Variants in KIAA0513 observed in about 807,000 individuals in gnomAD.
KIAA0513 encodes uncharacterized protein KIAA0513.
Under a neutral mutation model 56.5 loss-of-function variants are expected in KIAA0513, and 39 were observed. That is an observed-to-expected ratio of 0.69 (90% CI 0.53 to 0.90). The LOEUF is 0.90. Among genes scored for constraint, KIAA0513 ranks in the 40% least tolerant of loss-of-function variants. The pLI is 0.00. For synonymous variants in KIAA0513, 268 were observed against 215.6 expected, an observed-to-expected ratio of 1.24 and a Z score of -2.13; for missense variants, 591 against 535.2, an observed-to-expected ratio of 1.10 and a Z score of -1.03.
At chr16:85,035,128 C>A (rs767287832) in intron 1 of KIAA0513, among the ~76,000 whole-genome samples, 1 of 152,306 alleles carries the variant, frequency 6.6e-6, no homozygotes, top group Non-Finnish European at 1.5e-5. Flanking sequence ...GACATCTTCC[C>A]GGAGCCCCCA....
At chr16:85,068,984 C>T (rs951275281) in intron 2 of KIAA0513, among the ~76,000 whole-genome samples, 1 of 152,058 alleles carries the variant, frequency 6.6e-6, no homozygotes, top group African/African-American at 2.4e-5. Context: ...ATAGGGCCAA[C>T]GTAAGATAAT....
chr16:85,078,332 C>T (rs1035045125), intron 6 of KIAA0513, 83 bp from the exon 7 acceptor site: 24 of 1,489,000 alleles, frequency 1.6e-5, no homozygotes, highest in Non-Finnish European at 2.1e-5. Context: ...CCAGTCCCAC[C>T]TTAGAAGTGT....
chr16:85,039,983 T>C (rs1262060721), intron 1 of KIAA0513, among the ~76,000 whole-genome samples: 1 of 151,400 alleles, frequency 6.6e-6, no homozygotes, highest in Non-Finnish European at 1.5e-5. Context: ...TACAGGCATG[T>C]GCCACCGCGC....
At chr16:85,044,387 C>T (rs918591008) in intron 1 of KIAA0513, among the ~76,000 whole-genome samples, 1 of 152,180 alleles carries the variant, frequency 6.6e-6, no homozygotes, top group African/African-American at 2.4e-5. Context: ...CTCGTAGTAT[C>T]CCAGAGGGGG....
chr16:85,038,537 T>C lies in KIAA0513; in HGVS notation c.-173+10679T>C, dbSNP rs150393561. ...GTCTGACCAACACAGTGAAACTCCA[T>C]GTCTACTAAAAAGACAAAAAGATAG... On this transcript the variant is annotated intron_variant, in intron 1 of 12. Coordinates refer to ENST00000683363, the MANE Select transcript of KIAA0513 (RefSeq NM_001388359.1). Among the ~76,000 whole-genome samples the C allele has an allele frequency of 2.5e-3, 378 of 152,080 alleles. 3 individuals are homozygous for C. The highest frequency in any genetic ancestry group is 8.7e-3 in the African/African-American group (362 of 41,450).
At chr16:85,038,559 A>T (rs2073064344) in intron 1 of KIAA0513, among the ~76,000 whole-genome samples, 1 of 151,818 alleles carries the variant, frequency 6.6e-6, no homozygotes, top group Admixed American at 6.6e-5. Context: ...AGACAAAAAG[A>T]TAGCTGGGCG....
intron 1 of KIAA0513, among the ~76,000 whole-genome samples, chr16:85,029,152 C>A (rs1402513425): frequency 1.3e-5 from 2 of 152,128 alleles, no homozygotes; most frequent in East Asian, 3.8e-4. Context: ...GGACTGCTTA[C>A]GCCTTTGAAA....
Position 85,076,018 on chromosome 16 carries a change from C to A in KIAA0513, c.574+104C>A. The A allele has an allele frequency of 2.4e-6, 2 of 833,168 alleles. No homozygotes were observed. The highest frequency in any genetic ancestry group is 4.1e-6 in the Non-Finnish European group (2 of 487,996). 51.6% of individuals were successfully genotyped at this position (833,168 alleles called of 1,614,324 possible). A position where few individuals can be genotyped will look rare whatever the true frequency, so the allele number is the denominator to read the frequency against. On this transcript the variant is annotated intron_variant, in intron 5 of 12. Transcript: ENST00000683363. The surrounding 1 kb of genome is among the most constrained non-coding windows in gnomAD (Gnocchi z 4.7). ...ATGATAAAAAGCAAAAGCTATGGGGCCTCCAGAGAACAGAGGAAGCTGATG... is the reference window on the plus strand; with the variant it reads ...ATGATAAAAAGCAAAAGCTATGGGGACTCCAGAGAACAGAGGAAGCTGATG...
At chr16:85,077,024 G>GC (rs374674561) in intron 5 of KIAA0513, among the ~76,000 whole-genome samples, 51 of 150,848 alleles carry the variant, frequency 3.4e-4, no homozygotes, top group South Asian at 1.1e-3. Flanking sequence ...CCTCCTCCAG[G>GC]CCCCCCCCCA....
At chr16:85,050,687 G>A (rs78274149) in intron 1 of KIAA0513, among the ~76,000 whole-genome samples, 10,025 of 152,232 alleles carry the variant, frequency 0.066, 365 homozygotes, top group Middle Eastern at 0.099. Context: ...CTCACCCCTT[G>A]TTTTCCGCAG....
At chr16:85,067,736 G>A (rs2073509179) in intron 2 of KIAA0513, among the ~76,000 whole-genome samples, 1 of 152,158 alleles carries the variant, frequency 6.6e-6, no homozygotes, top group Non-Finnish European at 1.5e-5. Flanking sequence ...ACGCTCCGGA[G>A]TGCCCAGCTC....
intron 1 of KIAA0513, among the ~76,000 whole-genome samples, chr16:85,050,739 G>C (rs975079820): frequency 2.0e-5 from 3 of 152,214 alleles, no homozygotes; most frequent in Non-Finnish European, 4.4e-5. Flanking sequence ...GTGCATTGTT[G>C]CTGAGTCAAG....
At chr16:85,077,260 A>G (rs1338875693) in intron 5 of KIAA0513, 165 bp from the exon 6 acceptor site, 4 of 196,876 alleles carry the variant, frequency 2.0e-5, no homozygotes, top group Non-Finnish European at 3.7e-5. Context: ...CCACTTCCTC[A>G]TCCTGGGCCG....
rs2073869183 is a variant in KIAA0513, at chr16:85,091,681, TC to T, written c.*3359del. The T allele has an allele frequency of 6.6e-6, 1 of 152,126 alleles. No homozygotes were observed. Among genetic ancestry groups the T allele is most frequent in the South Asian group, 2.1e-4 (1 of 4,824 alleles). The allele number at this position is 152,126 out of a possible 1,614,324, so 9.4% of individuals were successfully genotyped here. ...ACCAAACAGGCCTCTCGCTCACTCC[TC>T]CCAGCCCAGTAATGCTGAGGAGTTC... On this transcript the variant is annotated 3_prime_UTR_variant, in exon 13 of 13. Coordinates refer to ENST00000683363, the MANE Select transcript of KIAA0513 (RefSeq NM_001388359.1).
chr16:85,034,409 G>T (rs2073007613), intron 1 of KIAA0513, among the ~76,000 whole-genome samples: 1 of 152,144 alleles, frequency 6.6e-6, no homozygotes, highest in South Asian at 2.1e-4. Flanking sequence ...CAAAAAAGCT[G>T]ATGACTGTAC....
At chr16:85,068,017 G>A (rs2073514554) in intron 2 of KIAA0513, among the ~76,000 whole-genome samples, 3 of 151,894 alleles carry the variant, frequency 2.0e-5, no homozygotes, top group South Asian at 4.2e-4. Flanking sequence ...CACCATGTTG[G>A]TCAAGCTGGT....
At chr16:85,039,758 C>A (rs369724332) in intron 1 of KIAA0513, among the ~76,000 whole-genome samples, 6 of 151,978 alleles carry the variant, frequency 3.9e-5, no homozygotes, top group East Asian at 1.9e-4. Context: ...CAGGTGTGAG[C>A]CACCACTGCT....
In KIAA0513 at chr16:85,077,585, C is replaced by T. The variant is rs371939615; in HGVS notation, c.735C>T (p.Phe245=). Reference sequence around the variant, plus strand: ...GGACTGAGAATGTCAAGGGCTTCTTCGGGGGGCTGGAGACCAAGCTGAAGG... The same window carrying T: ...GGACTGAGAATGTCAAGGGCTTCTTTGGGGGGCTGGAGACCAAGCTGAAGG... ...SARTENVKGF[F]GGLETKLKGP... The change falls in exon 6 of 13, where the codon TTC becomes TTT. Residue 245 remains phenylalanine, a synonymous_variant. Coordinates refer to ENST00000683363, the MANE Select transcript of KIAA0513 (RefSeq NM_001388359.1). 33 of 1,613,832 alleles carry T rather than the reference C, an allele frequency of 2.0e-5. No homozygotes were observed. Among genetic ancestry groups the T allele is most frequent in the African/African-American group, 1.9e-4 (14 of 74,938 alleles).
intron 1 of KIAA0513, among the ~76,000 whole-genome samples, chr16:85,061,351 C>G (rs891562133): frequency 8.5e-5 from 13 of 152,140 alleles, no homozygotes; most frequent in Non-Finnish European, 2.9e-5. Flanking sequence ...GTGAGGATGA[C>G]GTGGGGATCA....
Sources: gnomAD v4.1 joint callset for allele counts (sites outside exome capture counted in the v4.1 genomes callset) on GRCh38, gnomAD v4.1.1 for gene constraint, Gnocchi (gnomAD v3.1) non-coding constraint, MANE v1.5 for transcripts, NCBI Gene and HGNC (gene_info 2026-07-23, HGNC 2026-07-21) for gene names.